Variants in CHCHD6 observed in about 807,000 individuals in gnomAD.
CHCHD6 encodes the protein MICOS complex subunit MIC25.
CHCHD6 carries 28 observed loss-of-function variants against 32.3 expected under a neutral mutation model. The ratio of observed to expected loss-of-function variants is 0.87; its 90% CI spans 0.64 to 1.19. The LOEUF is 1.19. CHCHD6 is among the 50% of genes most tolerant of loss of function. The pLI is 0.00. For missense variants in CHCHD6, 333 were observed against 307.0 expected, an observed-to-expected ratio of 1.08 and a Z score of -0.63; for synonymous variants, 122 against 117.5, an observed-to-expected ratio of 1.04 and a Z score of -0.25.
intron 5 of CHCHD6, chr3:126,865,611 A>G: frequency 1.0e-6 from 1 of 985,136 alleles, no homozygotes; most frequent in Non-Finnish European, 1.2e-6. Flanking sequence ...CTTCACTGCT[A>G]CCACCATTTT....
At chr3:126,752,424 C>G (rs1355566741) in intron 4 of CHCHD6, among the ~76,000 whole-genome samples, 1 of 152,204 alleles carries the variant, frequency 6.6e-6, no homozygotes, top group Non-Finnish European at 1.5e-5. Flanking sequence ...GCCTGGGCCA[C>G]TTGTTGGCTG....
At chr3:126,724,402 T>C in intron 1 of CHCHD6, among the ~76,000 whole-genome samples, 1 of 152,218 alleles carries the variant, frequency 6.6e-6, no homozygotes, top group East Asian at 1.9e-4. Flanking sequence ...TAGTCTCAAG[T>C]GTACACTAAC....
chr3:126,728,404 C>T (rs992008200), intron 2 of CHCHD6, among the ~76,000 whole-genome samples: 4 of 152,288 alleles, frequency 2.6e-5, no homozygotes, highest in South Asian at 2.1e-4. Context: ...GGAGGTCCGG[C>T]GACAGGGTGC....
At chr3:126,776,506 C>G (rs964592691) in intron 4 of CHCHD6, among the ~76,000 whole-genome samples, 3 of 152,198 alleles carry the variant, frequency 2.0e-5, no homozygotes, top group South Asian at 2.1e-4. Context: ...CTTCTGACTT[C>G]CCTGTTTTTT....
chr3:126,956,510 G>A (rs2078785205), intron 6 of CHCHD6, among the ~76,000 whole-genome samples: 1 of 152,202 alleles, frequency 6.6e-6, no homozygotes, highest in Non-Finnish European at 1.5e-5. Context: ...GAGCTGTAAG[G>A]AGCAGCACTG....
At chr3:126,766,973 G>A in intron 4 of CHCHD6, 1 of 925,822 alleles carries the variant, frequency 1.1e-6, no homozygotes, top group Non-Finnish European at 1.8e-6. Context: ...ACCAGTGTGT[G>A]GTTAGCGCCA....
intron 6 of CHCHD6, among the ~76,000 whole-genome samples, chr3:126,919,310 CTTTTTTCTTT>C (rs2078212235): frequency 1.0e-4 from 3 of 29,212 alleles, no homozygotes; most frequent in Non-Finnish European, 2.7e-4. Context: ...TATTTCTTTT[CTTTTTTCTTT>C]TTTTTTTTTT....
intron 4 of CHCHD6, among the ~76,000 whole-genome samples, chr3:126,805,310 T>A (rs549639236): frequency 1.8e-4 from 28 of 152,132 alleles, no homozygotes; most frequent in Admixed American, 1.5e-3. Context: ...CCCCATCATC[T>A]CAGCCCAAAA....
intron 5 of CHCHD6, among the ~76,000 whole-genome samples, chr3:126,907,028 G>T (rs1325007018): frequency 6.6e-6 from 1 of 152,170 alleles, no homozygotes; most frequent in Admixed American, 6.5e-5. Context: ...GGGTACATAT[G>T]CCCAGCAGCA....
chr3:126,821,856 A>G (rs550769788), intron 4 of CHCHD6, among the ~76,000 whole-genome samples: 1 of 152,258 alleles, frequency 6.6e-6, no homozygotes, highest in South Asian at 2.1e-4. Flanking sequence ...GTGCTTATTG[A>G]CCATTTATAT....
chr3:126,773,645 C>T lies in CHCHD6; in HGVS notation c.411+40423C>T, dbSNP rs187704732. 7.7e-3 allele frequency among the ~76,000 whole-genome samples: 1,021 copies of T among 133,270 alleles called. 11 individuals carry two copies. Among genetic ancestry groups the T allele is most frequent in the African/African-American group, 0.028 (957 of 34,692 alleles). 87.4% of individuals were successfully genotyped at this position (133,270 alleles called of 152,430 possible). A position where few individuals can be genotyped will look rare whatever the true frequency, so the allele number is the denominator to read the frequency against. On this transcript the variant is annotated intron_variant, in intron 4 of 7. Transcript: ENST00000290913. ...TTTTTTTGAGACAGAGCGTCAGAGT[C>T]GCCTAGGCGAAGTGCAGTGGCACGA...
At chr3:126,902,271 T>TG (rs1321882367) in intron 5 of CHCHD6, among the ~76,000 whole-genome samples, 1 of 152,162 alleles carries the variant, frequency 6.6e-6, no homozygotes, top group Non-Finnish European at 1.5e-5. Flanking sequence ...GTATTGCCAG[T>TG]GCACGGCCAG....
At chr3:126,823,388 A>G (rs1285179925) in intron 4 of CHCHD6, among the ~76,000 whole-genome samples, 1 of 152,110 alleles carries the variant, frequency 6.6e-6, no homozygotes, top group Non-Finnish European at 1.5e-5. Flanking sequence ...TTATATGTAT[A>G]TCCATTTGTG....
intron 5 of CHCHD6, among the ~76,000 whole-genome samples, chr3:126,890,337 GGTCCC>G (rs1437605513): frequency 3.3e-5 from 5 of 152,186 alleles, no homozygotes; most frequent in Non-Finnish European, 5.9e-5. Context: ...TGGCTGCTGT[GGTCCC>G]TCAAGGCTCG....
chr3:126,821,745 T>C (rs1940165261), intron 4 of CHCHD6, among the ~76,000 whole-genome samples: 1 of 152,200 alleles, frequency 6.6e-6, no homozygotes, highest in Admixed American at 6.5e-5. Context: ...TGTTCTTGTC[T>C]GTCTGTTTGA....
At chr3:126,809,637 A>G (rs1380964894) in intron 4 of CHCHD6, among the ~76,000 whole-genome samples, 1 of 152,222 alleles carries the variant, frequency 6.6e-6, no homozygotes, top group Non-Finnish European at 1.5e-5. Flanking sequence ...GGGCACAAAG[A>G]AGATAAATTT....
At chr3:126,720,907 G>A (rs940459400) in intron 1 of CHCHD6, among the ~76,000 whole-genome samples, 2 of 152,202 alleles carry the variant, frequency 1.3e-5, no homozygotes, top group Middle Eastern at 3.4e-3. Context: ...TGCTACAGCC[G>A]CAAAAAAGGA....
At chr3:126,724,179 A>G (rs564550162) in intron 1 of CHCHD6, among the ~76,000 whole-genome samples, 1 of 152,316 alleles carries the variant, frequency 6.6e-6, no homozygotes, top group South Asian at 2.1e-4. Flanking sequence ...TTTAAAAACC[A>G]TCAGGATAGG....
chr3:126,785,692 T>C (rs1238007371), intron 4 of CHCHD6, among the ~76,000 whole-genome samples: 1 of 152,232 alleles, frequency 6.6e-6, no homozygotes, highest in African/African-American at 2.4e-5. Flanking sequence ...CGTATCACTA[T>C]GCATTTCCAG....
Sources: allele counts gnomAD v4.1 joint callset (sites outside exome capture counted in the v4.1 genomes callset), GRCh38; gene constraint gnomAD v4.1.1; transcripts MANE v1.5; gene names NCBI Gene and HGNC (gene_info 2026-07-23, HGNC 2026-07-21).